Variants in ASH2L observed in about 807,000 individuals in gnomAD.
The protein encoded by ASH2L is set1/Ash2 histone methyltransferase complex subunit ASH2.
ASH2L carries 30 observed loss-of-function variants against 81.1 expected under a neutral mutation model. The observed-to-expected ratio is 0.37, with a 90% CI of 0.28 to 0.50. ASH2L has a LOEUF of 0.50. Among genes scored for constraint, ASH2L ranks in the 20% least tolerant of loss-of-function variants. The probability of loss-of-function intolerance (pLI) is 0.95; values close to 1 mark genes in which losing one functional copy is unlikely to be tolerated. For synonymous variants in ASH2L, 273 were observed against 279.9 expected (o/e 0.98, Z 0.24); for missense variants, 559 against 792.1 (o/e 0.71, Z 3.53).
chr8:38,116,741 T>G lies in ASH2L; in HGVS notation c.853+16T>G, dbSNP rs1251771552. 1 of 1,596,666 alleles carries G rather than the reference T, an allele frequency of 6.3e-7. No individual in the cohort carries two copies. The highest frequency in any genetic ancestry group is 8.6e-7 in the Non-Finnish European group (1 of 1,168,832). On this transcript the variant is annotated intron_variant, in intron 8 of 15. Transcript: ENST00000343823. ...AATTTAAATGGTAAGTGTTTACATA[T>G]CTCATTGCTGAAATATTTGGAAGCT...
intron 8 of ASH2L, chr8:38,117,604 C>G (rs2130507844): frequency 3.2e-6 from 1 of 317,358 alleles, no homozygotes; most frequent in Middle Eastern, 1.6e-3. Context: ...GGCAATAGCA[C>G]TTAATATGAA....
In ASH2L at chr8:38,119,369, G is replaced by A. The variant is rs1033788404; in HGVS notation, c.947+6G>A. ...ACCACCAAGAAGGCCCGGAGGTGGG[G>A]AGAGTGCCCACCCTGCCCCCCTCAC... On this transcript the variant is annotated splice_donor_region_variant and intron_variant, in intron 9 of 15. Transcript: ENST00000343823. The A allele has an allele frequency of 1.3e-6, 2 of 1,528,654 alleles. No individual in the cohort carries two copies. The highest frequency in any genetic ancestry group is 1.8e-6 in the Non-Finnish European group (2 of 1,137,872). The allele number at this position is 1,528,654 out of a possible 1,614,324, so 94.7% of individuals were successfully genotyped here. A position where few individuals can be genotyped will look rare whatever the true frequency, so the allele number is the denominator to read the frequency against.
intron 5 of ASH2L, among the ~76,000 whole-genome samples, chr8:38,112,632 G>T (rs1027748053): frequency 2.6e-5 from 4 of 152,152 alleles, no homozygotes; most frequent in African/African-American, 9.7e-5. Context: ...ACATCAGGAG[G>T]TATATAAGAT....
chr8:38,124,786 G>C (rs1439337961), intron 10 of ASH2L: 1 of 152,202 alleles, frequency 6.6e-6, no homozygotes, highest in Non-Finnish European at 1.5e-5. Flanking sequence ...GAATTACAGT[G>C]AATACCTGTC....
Position 38,114,069 on chromosome 8 carries a change from G to A in ASH2L, c.586-123G>A, listed in dbSNP as rs1353294025. The A allele has an allele frequency of 2.8e-5, 17 of 607,282 alleles. 1 individual carries two copies. Among genetic ancestry groups the A allele is most frequent in the Non-Finnish European group, 4.6e-5 (16 of 349,860 alleles). 37.6% of individuals were successfully genotyped at this position (607,282 alleles called of 1,614,324 possible). A position where few individuals can be genotyped will look rare whatever the true frequency, so the allele number is the denominator to read the frequency against. On this transcript the variant is annotated intron_variant, in intron 5 of 15. Transcript: ENST00000343823. Reference sequence around the variant, plus strand: ...TGTAAACCTTGTATAACACCGTGGGGGGAAAAACTAACATGGATTTTTCTC... The same window carrying A: ...TGTAAACCTTGTATAACACCGTGGGAGGAAAAACTAACATGGATTTTTCTC...
intron 3 of ASH2L, among the ~76,000 whole-genome samples, chr8:38,107,868 A>ATGTGTGTGTGTGTGTGTGTG (rs10542885): frequency 1.4e-5 from 2 of 141,396 alleles, no homozygotes; most frequent in Non-Finnish European, 3.1e-5. Context: ...AAATACATAT[A>ATGTGTGTGTGTGTGTGTGTG]TGTGTGTGTG....
rs182851802 is a variant in ASH2L, at chr8:38,121,876, A to G, written c.1165+727A>G. 3.3e-5 allele frequency among the ~76,000 whole-genome samples: 5 copies of G among 152,272 alleles called. No individual in the cohort carries two copies. In the East Asian group the frequency reaches 7.7e-4, roughly 23 times the overall value. On this transcript the variant is annotated intron_variant, in intron 10 of 15. Transcript: ENST00000343823. Reference sequence around the variant, plus strand: ...TAAGGTGATTCTGCTAGCTTTCTCCACTGTAAAAAACTACCGTCTTTCCCT... The same window carrying G: ...TAAGGTGATTCTGCTAGCTTTCTCCGCTGTAAAAAACTACCGTCTTTCCCT...
chr8:38,105,637 G>A lies in ASH2L; in HGVS notation c.87G>A (p.Glu29=). Residue 29 remains glutamate, a synonymous_variant, in exon 1 of 16, where the codon GAG becomes GAA. Transcript: ENST00000343823. ...TCGCAAATGCAACAGGGGCAGAAGA[G>A]GGGGAGATGAAGCCGGTGGCAGCGG... ...GAVANATGAE[E]GEMKPVAAGA... 3 of 1,602,172 alleles carry A rather than the reference G, an allele frequency of 1.9e-6. No individual in the cohort carries two copies. Among genetic ancestry groups the A allele is most frequent in the African/African-American group, 1.3e-5 (1 of 74,166 alleles).
chr8:38,130,602 A>AT lies in ASH2L; in HGVS notation c.1527+1662dup, dbSNP rs988586181. 5.4e-4 allele frequency among the ~76,000 whole-genome samples: 78 copies of AT among 145,534 alleles called. No homozygotes were observed. In the East Asian group the frequency reaches 0.01, roughly 19 times the overall value. ...TAGGTGTCTGATTTACCTTGGATTA[A>AT]TTTTTTTTTTTCTTTAGATGGAGTC... On this transcript the variant is annotated intron_variant, in intron 12 of 15. Coordinates refer to ENST00000343823, the MANE Select transcript of ASH2L (RefSeq NM_004674.5).
chr8:38,129,027 A>G, intron 12 of ASH2L, 76 bp downstream of exon 12: 1 of 1,542,132 alleles, frequency 6.5e-7, no homozygotes, highest in Non-Finnish European at 8.7e-7. Flanking sequence ...GGCTTGTGTG[A>G]TCTCTTAGGA....
In ASH2L at chr8:38,120,950, T is replaced by C. The variant is rs756437481; in HGVS notation, c.966T>C (p.Ala322=). 6.2e-6 allele frequency: 10 copies of C among 1,613,034 alleles called. No homozygotes were observed. In the East Asian group the frequency reaches 2.2e-4, roughly 36 times the overall value. ...KKARSDPLFS[A]QRLPPHGYPL... Reference sequence around the variant, plus strand: ...TCTGCAGTGACCCTTTGTTTTCTGCTCAGCGCCTTCCCCCTCATGGCTACC... The same window carrying C: ...TCTGCAGTGACCCTTTGTTTTCTGCCCAGCGCCTTCCCCCTCATGGCTACC... Residue 322 remains alanine, a synonymous_variant, in exon 10 of 16, where the codon GCT becomes GCC. Transcript: ENST00000343823.
Position 38,139,890 on chromosome 8 carries a change from TGAG to T in ASH2L, c.*823_*825del, listed in dbSNP as rs1802405564. On this transcript the variant is annotated 3_prime_UTR_variant, in exon 16 of 16. Coordinates refer to ENST00000343823, the MANE Select transcript of ASH2L (RefSeq NM_004674.5). ...CCTTTCCTGTGAAAATCTGCCACCT[TGAG>T]GAGAGGAACAAGAGTTTAAAAGGGC... is the stretch of plus-strand genomic sequence containing the variant. The T allele has an allele frequency of 1.3e-5, 2 of 152,080 alleles. No individual in the cohort carries two copies. The highest frequency in any genetic ancestry group is 2.4e-5 in the African/African-American group (1 of 41,406). The allele number at this position is 152,080 out of a possible 1,614,324, so 9.4% of individuals were successfully genotyped here.
In ASH2L at chr8:38,139,691, GT is replaced by G. The variant is rs1232109145; in HGVS notation, c.*624del. ...ATGAGAAACTTCCCAAATAAAACTT[GT>G]TTTGAAGTTTATGTGACACTTTGCT... On this transcript the variant is annotated 3_prime_UTR_variant, in exon 16 of 16. Transcript: ENST00000343823. 1.3e-5 allele frequency: 2 copies of G among 152,162 alleles called. No homozygotes were observed. The highest frequency in any genetic ancestry group is 4.8e-5 in the African/African-American group (2 of 41,414). 9.4% of individuals were successfully genotyped at this position (152,162 alleles called of 1,614,324 possible).
intron 8 of ASH2L, chr8:38,117,390 A>G (rs1810951671): frequency 1.2e-5 from 11 of 928,258 alleles, no homozygotes; most frequent in African/African-American, 1.8e-5. Flanking sequence ...TTTTTACAAC[A>G]TATTTTCCCG....
At chr8:38,129,078 G>C in intron 12 of ASH2L, 127 bp downstream of exon 12, 1 of 1,348,696 alleles carries the variant, frequency 7.4e-7, no homozygotes, top group Admixed American at 2.6e-5. Context: ...CTGTTGCTAT[G>C]ACATTTTCAG....
chr8:38,138,544 A>T (rs1802360446), intron 14 of ASH2L: 1 of 376,342 alleles, frequency 2.7e-6, no homozygotes, highest in East Asian at 4.9e-5. Flanking sequence ...CTTTCAGCTT[A>T]ATTTTTTCCT....
intron 5 of ASH2L, 36 bp from the exon 6 acceptor site, chr8:38,114,156 G>A (rs756219942): frequency 6.7e-6 from 8 of 1,199,368 alleles, no homozygotes; most frequent in South Asian, 2.8e-5. Context: ...ATCTTTGATT[G>A]CAGCAGTAAT....
chr8:38,119,089 G>A (rs1811027610), intron 8 of ASH2L, 181 bp from the exon 9 acceptor site: 1 of 554,002 alleles, frequency 1.8e-6, no homozygotes, highest in Non-Finnish European at 3.2e-6. Context: ...AGTGTTCCCA[G>A]GCTATGAGAT....
intron 10 of ASH2L, 98 bp downstream of exon 10, chr8:38,121,247 G>A: frequency 1.9e-6 from 2 of 1,046,986 alleles, no homozygotes; most frequent in Admixed American, 2.0e-5. Context: ...TCAGTCTGTT[G>A]CCACTGCCTC....
Sources: allele counts gnomAD v4.1 joint callset (sites outside exome capture counted in the v4.1 genomes callset), GRCh38; gene constraint gnomAD v4.1.1; transcripts MANE v1.5; gene names NCBI Gene and HGNC (gene_info 2026-07-23, HGNC 2026-07-21).